Variants in ATP8B1 observed in about 807,000 individuals in gnomAD.
ATP8B1 encodes phospholipid-transporting ATPase IC.
ATP8B1 carries 80 observed loss-of-function variants against 149.9 expected under a neutral mutation model. That is an observed-to-expected ratio of 0.53 (90% CI 0.45 to 0.64). ATP8B1 has a LOEUF of 0.64. Ranked by LOEUF, ATP8B1 falls within the 30% of genes least tolerant of loss-of-function variation. ATP8B1 has a pLI of 0.00. For synonymous variants in ATP8B1, 536 were observed against 562.8 expected, an observed-to-expected ratio of 0.95 and a Z score of 0.67; for missense variants, 1,247 against 1,552.6, an observed-to-expected ratio of 0.80 and a Z score of 3.31.
intron 2 of ATP8B1, among the ~76,000 whole-genome samples, chr18:57,716,348 T>TATTA (rs1225384454): frequency 6.6e-6 from 1 of 151,898 alleles, no homozygotes; most frequent in Non-Finnish European, 1.5e-5. Flanking sequence ...AGTCCTTACT[T>TATTA]ATCAATATAA....
At chr18:57,794,808 GAAAGA>G (rs2080496453) in intron 1 of ATP8B1, among the ~76,000 whole-genome samples, 1 of 151,226 alleles carries the variant, frequency 6.6e-6, no homozygotes, top group South Asian at 2.1e-4. Context: ...AAGAAAGAAA[GAAAGA>G]AAGAAAGAAA....
intron 1 of ATP8B1, among the ~76,000 whole-genome samples, chr18:57,772,970 C>T (rs1281373790): frequency 6.6e-6 from 1 of 152,034 alleles, no homozygotes; most frequent in Non-Finnish European, 1.5e-5. Flanking sequence ...TAACCCTAGG[C>T]CTGGAGCGGT....
chr18:57,661,678 C>T (rs28463117), intron 21 of ATP8B1, among the ~76,000 whole-genome samples: 6 of 63,786 alleles, frequency 9.4e-5, no homozygotes, highest in African/African-American at 3.4e-4. Flanking sequence ...TATGTATATA[C>T]ACACACACAC....
intron 23 of ATP8B1, 131 bp downstream of exon 23, chr18:57,655,063 T>C: frequency 1.3e-6 from 1 of 798,254 alleles, no homozygotes; most frequent in South Asian, 1.6e-5. Context: ...TTCTTAATTA[T>C]GCCCCAACTG....
At chr18:57,793,617 C>G (rs1481167811) in intron 1 of ATP8B1, among the ~76,000 whole-genome samples, 1 of 152,064 alleles carries the variant, frequency 6.6e-6, no homozygotes, top group Admixed American at 6.6e-5. Context: ...TTCCCTCCCC[C>G]ACTTACTCTT....
At chr18:57,701,597 T>C (rs1004539934) in intron 4 of ATP8B1, among the ~76,000 whole-genome samples, 1 of 152,142 alleles carries the variant, frequency 6.6e-6, no homozygotes, top group African/African-American at 2.4e-5. Context: ...TGTATTATGA[T>C]ACCTAAAAAA....
At chr18:57,700,888 G>T in intron 6 of ATP8B1, 151 bp downstream of exon 6, 1 of 879,442 alleles carries the variant, frequency 1.1e-6, no homozygotes, top group Non-Finnish European at 1.8e-6. Flanking sequence ...CTGCACTCCA[G>T]CCTGGGCGAC....
At chr18:57,738,905 A>G (rs1167136775) in intron 1 of ATP8B1, among the ~76,000 whole-genome samples, 1 of 152,166 alleles carries the variant, frequency 6.6e-6, no homozygotes, top group Non-Finnish European at 1.5e-5. Flanking sequence ...ACACCCCTCA[A>G]TGTGACTACA....
intron 1 of ATP8B1, among the ~76,000 whole-genome samples, chr18:57,774,790 C>T (rs1169278421): frequency 6.6e-6 from 1 of 152,158 alleles, no homozygotes; most frequent in Admixed American, 6.6e-5. Flanking sequence ...CCTGAGTCAC[C>T]TGGACAAAAT....
chr18:57,782,803 CTTT>C (rs79009229), intron 1 of ATP8B1, among the ~76,000 whole-genome samples: 3 of 91,156 alleles, frequency 3.3e-5, no homozygotes, highest in African/African-American at 1.5e-4. Context: ...TAGTTTGTCT[CTTT>C]TTTTTTTTTT....
intron 2 of ATP8B1, among the ~76,000 whole-genome samples, chr18:57,707,141 C>T (rs1913443384): frequency 6.6e-6 from 1 of 152,134 alleles, no homozygotes; most frequent in African/African-American, 2.4e-5. Flanking sequence ...CCCGTCTCTA[C>T]TAAAAATAGC....
chr18:57,770,932 C>T (rs1268220626), intron 1 of ATP8B1, among the ~76,000 whole-genome samples: 2 of 152,228 alleles, frequency 1.3e-5, no homozygotes, highest in African/African-American at 2.4e-5. Context: ...GGCACGATCT[C>T]GGCTCACTGC....
chr18:57,730,834 T>TAC (rs375937625), intron 2 of ATP8B1, among the ~76,000 whole-genome samples: 4 of 754 alleles, frequency 5.3e-3, no homozygotes, highest in Non-Finnish European at 9.4e-3. Flanking sequence ...TATATATATA[T>TAC]ACACACACAC....
Position 57,688,384 on chromosome 18 carries a change from G to T in ATP8B1, c.1344C>A (p.Ile448=). Residue 448 remains isoleucine (I), a synonymous_variant, in exon 13 of 28, where the codon ATC becomes ATA. Coordinates refer to ENST00000648908, the MANE Select transcript of ATP8B1 (RefSeq NM_001374385.1). ...TTTLNEQLGQ[I]HYIFSDKTGT... is the part of the protein sequence containing the mutation. ...CCGTCTTATCAGAGAAGATATAATG[G>T]ATCTGCCCGAGCTGTTCATTGAGTG... The T allele has an allele frequency of 6.2e-7, 1 of 1,614,118 alleles. No homozygotes were observed. Among genetic ancestry groups the T allele is most frequent in the Non-Finnish European group, 8.5e-7 (1 of 1,180,016 alleles).
chr18:57,791,874 C>CT (rs1260262060), intron 1 of ATP8B1, among the ~76,000 whole-genome samples: 1 of 152,190 alleles, frequency 6.6e-6, no homozygotes, highest in East Asian at 1.9e-4. Context: ...TGTTTAGTCT[C>CT]TATCTCTCAT....
intron 24 of ATP8B1, 94 bp from the exon 25 acceptor site, chr18:57,652,823 G>T (rs1218622952): frequency 4.5e-6 from 7 of 1,557,234 alleles, no homozygotes; most frequent in Non-Finnish European, 5.3e-6. Flanking sequence ...GTTGCAGCCT[G>T]CTGTTAAATT....
intron 1 of ATP8B1, among the ~76,000 whole-genome samples, chr18:57,794,331 T>G (rs2080490298): frequency 6.6e-6 from 1 of 152,174 alleles, no homozygotes; most frequent in Middle Eastern, 3.4e-3. Context: ...AGGCATCTGA[T>G]TTTTATACCA....
intron 16 of ATP8B1, among the ~76,000 whole-genome samples, chr18:57,672,916 ATATATATATATATAT>A (rs1568189303): frequency 0.01 from 731 of 72,122 alleles, 21 homozygotes; most frequent in South Asian, 0.046. Context: ...ATATATATAT[ATATATATATATATAT>A]AACATGTATA....
chr18:57,707,670 G>A (rs898114429), intron 2 of ATP8B1, among the ~76,000 whole-genome samples: 1 of 151,434 alleles, frequency 6.6e-6, no homozygotes, highest in Non-Finnish European at 1.5e-5. Flanking sequence ...CACCACACCC[G>A]GCTAATTTTT....
Sources: gnomAD v4.1 joint callset for allele counts (sites outside exome capture counted in the v4.1 genomes callset) on GRCh38, gnomAD v4.1.1 for gene constraint, MANE v1.5 for transcripts, NCBI Gene and HGNC (gene_info 2026-07-23, HGNC 2026-07-21) for gene names.